LRRC8C: variants seen among roughly 807,000 people sequenced by gnomAD.
The protein encoded by LRRC8C is volume-regulated anion channel subunit LRRC8C.
LRRC8C carries 20 observed loss-of-function variants against 55.3 expected under a neutral mutation model. That is an observed-to-expected ratio of 0.36 (90% CI 0.25 to 0.53). The LOEUF is 0.53. LRRC8C is among the 20% of genes least tolerant of loss of function. The probability of loss-of-function intolerance (pLI) is 0.92; values close to 1 mark genes in which losing one functional copy is unlikely to be tolerated. For missense variants in LRRC8C, 659 were observed against 951.4 expected, an observed-to-expected ratio of 0.69 and a Z score of 4.04; for synonymous variants, 376 against 360.7, an observed-to-expected ratio of 1.04 and a Z score of -0.48.
chr1:89,691,241 G>A (rs915339613), intron 2 of LRRC8C, among the ~76,000 whole-genome samples: 1 of 152,190 alleles, frequency 6.6e-6, no homozygotes, highest in African/African-American at 2.4e-5. Context: ...CAAATATGAT[G>A]TTGTCATCTC....
chr1:89,621,307 A>G, the LRRC8C span, among the ~76,000 whole-genome samples: 1 of 151,192 alleles, frequency 6.6e-6, no homozygotes, highest in African/African-American at 2.4e-5. Context: ...AAAAAAAAAA[A>G]AAAAAAAAAA....
upstream of LRRC8C, chr1:89,631,720 G>A (rs1241881669): frequency 6.6e-6 from 1 of 152,058 alleles, no homozygotes; most frequent in Non-Finnish European, 1.5e-5. Flanking sequence ...TCTTGTTGTA[G>A]GTTAATTAAG....
At chr1:89,624,418 G>A in the LRRC8C span, among the ~76,000 whole-genome samples, 1 of 152,152 alleles carries the variant, frequency 6.6e-6, no homozygotes, top group Admixed American at 6.6e-5. Flanking sequence ...GAATATGTGC[G>A]TGTTCTATAT....
At chr1:89,653,816 A>G (rs1194722956) in intron 1 of LRRC8C, among the ~76,000 whole-genome samples, 1 of 152,242 alleles carries the variant, frequency 6.6e-6, no homozygotes, top group African/African-American at 2.4e-5. Context: ...TGGAAATAGC[A>G]GATTTGGAGT....
intron 2 of LRRC8C, among the ~76,000 whole-genome samples, chr1:89,693,038 T>C (rs1658066910): frequency 6.6e-6 from 1 of 152,152 alleles, no homozygotes; most frequent in Non-Finnish European, 1.5e-5. Context: ...GGGACCTGCC[T>C]TGTGATTGTG....
the LRRC8C span, among the ~76,000 whole-genome samples, chr1:89,621,866 T>G: frequency 6.6e-6 from 1 of 152,200 alleles, no homozygotes; most frequent in Non-Finnish European, 1.5e-5. Flanking sequence ...TGTGAAACAT[T>G]TCCAAGTGGC....
chr1:89,630,951 C>T (rs568068432), upstream of LRRC8C, among the ~76,000 whole-genome samples: 3 of 152,294 alleles, frequency 2.0e-5, no homozygotes, highest in South Asian at 2.1e-4. Context: ...CCTGCCTACA[C>T]GTGAAGAACT....
At chr1:89,701,861 C>G (rs1253096042) in intron 2 of LRRC8C, among the ~76,000 whole-genome samples, 1 of 152,140 alleles carries the variant, frequency 6.6e-6, no homozygotes, top group Non-Finnish European at 1.5e-5. Flanking sequence ...CTGAATGGGT[C>G]TGAATCAATT....
upstream of LRRC8C, chr1:89,632,347 G>A (rs2101165352): frequency 6.6e-6 from 1 of 152,378 alleles, no homozygotes; most frequent in Non-Finnish European, 1.5e-5. Flanking sequence ...GGAGCTGTAG[G>A]CGGGGCATTC....
chr1:89,655,249 T>A (rs1656908875), intron 1 of LRRC8C, among the ~76,000 whole-genome samples: 1 of 152,154 alleles, frequency 6.6e-6, no homozygotes, highest in South Asian at 2.1e-4. Context: ...TATTTTTAAT[T>A]TCCAAGTTCT....
At chr1:89,629,256 T>A (rs541060181), upstream of LRRC8C, among the ~76,000 whole-genome samples, 1 of 152,342 alleles carries the variant, frequency 6.6e-6, no homozygotes, top group East Asian at 1.9e-4. Flanking sequence ...CAACTGAAAC[T>A]TAAAACAACA....
upstream of LRRC8C, among the ~76,000 whole-genome samples, chr1:89,628,372 A>C (rs989379379): frequency 1.3e-5 from 2 of 152,128 alleles, no homozygotes; most frequent in Admixed American, 1.3e-4. Context: ...CCCAAGATAT[A>C]GGGGCAACTA....
intron 1 of LRRC8C, among the ~76,000 whole-genome samples, chr1:89,673,257 A>C (rs1383429201): frequency 6.6e-6 from 1 of 152,178 alleles, no homozygotes; most frequent in Admixed American, 6.5e-5. Flanking sequence ...AAGCACCCGC[A>C]ATCCGCCTTT....
rs1218455532 is a variant in LRRC8C at position 89,712,828 on chromosome 1, A to G, written c.258A>G (p.Pro86=). The part of the protein sequence containing the change: ...ASTTPLPPPK[P]SPANPITVEM... ...CCACTCCACTGCCTCCACCTAAACC[A>G]TCTCCTGCTAACCCCATCACTGTGG... Residue 86 remains proline, a synonymous_variant, in exon 3 of 3, where the codon CCA becomes CCG. Transcript: ENST00000370454. 1.2e-5 allele frequency: 19 copies of G among 1,613,984 alleles called. 1 individual carries two copies. The South Asian group carries it at 1.6e-4, about 14-fold the overall frequency.
chr1:89,667,000 C>T (rs943086963), intron 1 of LRRC8C, among the ~76,000 whole-genome samples: 19 of 152,060 alleles, frequency 1.2e-4, no homozygotes, highest in African/African-American at 3.6e-4. Context: ...GGATGGCATG[C>T]TCTTGCTTTT....
At position 89,712,811 on chromosome 1, in the gene LRRC8C, C is replaced by T; in HGVS notation, c.241C>T (p.Leu81=). 6.2e-7 allele frequency: 1 copy of T among 1,614,224 alleles called. No homozygotes were observed. ...VSQAVASTTP[L]PPPKPSPANP... ...TCAAGCAGTTGCCAGTACCACTCCA[C>T]TGCCTCCACCTAAACCATCTCCTGC... The change falls in exon 3 of 3, where the codon CTG becomes TTG. Residue 81 remains leucine, a synonymous_variant. Coordinates refer to ENST00000370454, the MANE Select transcript of LRRC8C (RefSeq NM_032270.5).
At chr1:89,707,807 G>A (rs1001103573) in intron 2 of LRRC8C, among the ~76,000 whole-genome samples, 1 of 151,948 alleles carries the variant, frequency 6.6e-6, no homozygotes, top group African/African-American at 2.4e-5. Flanking sequence ...ACCTGTCCGT[G>A]CTCTCCTGAT....
intron 2 of LRRC8C, among the ~76,000 whole-genome samples, 194 bp from the exon 3 acceptor site, chr1:89,712,515 A>G (rs1658678600): frequency 6.6e-6 from 1 of 152,214 alleles, no homozygotes; most frequent in Non-Finnish European, 1.5e-5. Context: ...CTTAGACATG[A>G]TGAACAAAGT....
intron 1 of LRRC8C, 82 bp from the exon 2 acceptor site, chr1:89,686,388 G>C: frequency 1.4e-6 from 2 of 1,441,324 alleles, no homozygotes; most frequent in Non-Finnish European, 1.9e-6. Flanking sequence ...TCTGCTGTGA[G>C]GAGTTGGAGC....
Sources: gnomAD v4.1 joint callset for allele counts (sites outside exome capture counted in the v4.1 genomes callset) on GRCh38, gnomAD v4.1.1 for gene constraint, MANE v1.5 for transcripts, NCBI Gene and HGNC (gene_info 2026-07-23, HGNC 2026-07-21) for gene names.